The following MGAT4C variants were observed in gnomAD, a reference collection of about 807,000 sequenced individuals.
MGAT4C encodes the protein MGAT4 family member C, also known as alpha-1,3-mannosyl-glycoprotein 4-beta-N-acetylglucosaminyltransferase C.
In MGAT4C, 19 loss-of-function variants were observed where a neutral mutation model predicts 40.1. The observed-to-expected ratio is 0.47, with a 90% CI of 0.33 to 0.70. The LOEUF is 0.70. Ranked by LOEUF, MGAT4C falls within the 30% of genes least tolerant of loss-of-function variation. MGAT4C has a pLI of 0.02. For missense variants in MGAT4C, 491 were observed against 563.2 expected (o/e 0.87, Z 1.30); for synonymous variants, 181 against 187.1 (o/e 0.97, Z 0.27).
intron 3 of MGAT4C, among the ~76,000 whole-genome samples, chr12:86,369,875 T>C (rs955728013): frequency 3.9e-5 from 6 of 152,036 alleles, no homozygotes; most frequent in Non-Finnish European, 7.4e-5. Flanking sequence ...ATTTTGTAAA[T>C]GCAGATTTAG....
intron 3 of MGAT4C, among the ~76,000 whole-genome samples, chr12:86,347,233 T>C (rs755719408): frequency 2.0e-5 from 3 of 152,140 alleles, no homozygotes; most frequent in African/African-American, 4.8e-5. Flanking sequence ...CAAACCTGAC[T>C]ACTACACATG....
In MGAT4C at chr12:86,741,929, ATTG is replaced by A. The variant is rs1196053779; in HGVS notation, c.-261-14691_-261-14689del. Reference sequence around the variant, plus strand: ...GTAAACAAGCAAAACAGTTTACAAAATTGTTTTCTGTATTGTATTTAAACAACA... The same window carrying A: ...GTAAACAAGCAAAACAGTTTACAAAATTTTCTGTATTGTATTTAAACAACA... On this transcript the variant is annotated intron_variant, in intron 1 of 7. Transcript: ENST00000548651. 1.1e-4 allele frequency among the ~76,000 whole-genome samples: 17 copies of A among 151,512 alleles called. No individual in the cohort carries two copies. The South Asian group carries it at 2.9e-3, about 26-fold the overall frequency.
chr12:86,378,964 T>C (rs912956652), intron 3 of MGAT4C, among the ~76,000 whole-genome samples: 5 of 152,094 alleles, frequency 3.3e-5, no homozygotes, highest in African/African-American at 1.2e-4. Flanking sequence ...GCTCTTAGAA[T>C]CAACCTGCTT....
At chr12:86,501,368 G>A (rs1958337591) in intron 2 of MGAT4C, among the ~76,000 whole-genome samples, 1 of 152,010 alleles carries the variant, frequency 6.6e-6, no homozygotes, top group Non-Finnish European at 1.5e-5. Context: ...AAGTGCATGT[G>A]CAAGAAGTGC....
At chr12:86,574,664 T>C (rs767302748) in intron 2 of MGAT4C, among the ~76,000 whole-genome samples, 1 of 151,834 alleles carries the variant, frequency 6.6e-6, no homozygotes, top group Non-Finnish European at 1.5e-5. Flanking sequence ...ATTAGCAATG[T>C]ATGCTGCTTA....
chr12:86,544,561 CATTTT>C (rs1253755262), intron 2 of MGAT4C, among the ~76,000 whole-genome samples: 1 of 152,016 alleles, frequency 6.6e-6, no homozygotes, highest in Non-Finnish European at 1.5e-5. Context: ...TCTATACAAA[CATTTT>C]AGTTACTGAT....
chr12:86,483,354 A>G (rs1464626703), intron 2 of MGAT4C, among the ~76,000 whole-genome samples: 2 of 152,182 alleles, frequency 1.3e-5, no homozygotes, highest in Non-Finnish European at 2.9e-5. Context: ...AACAAGAGAT[A>G]TAATTCCTCT....
chr12:86,657,972 C>A (rs1963891364), intron 2 of MGAT4C, among the ~76,000 whole-genome samples: 1 of 151,944 alleles, frequency 6.6e-6, no homozygotes, highest in Admixed American at 6.6e-5. Context: ...ACATAGCCTA[C>A]TTTAATAATC....
At chr12:86,425,411 C>A (rs986241806) in intron 3 of MGAT4C, among the ~76,000 whole-genome samples, 6 of 152,068 alleles carry the variant, frequency 3.9e-5, no homozygotes, top group African/African-American at 1.4e-4. Flanking sequence ...TGCTCTCTTG[C>A]TCTGTCTCTC....
rs146650424 is a variant in MGAT4C at position 86,763,575 on chromosome 12, C to A, written c.-261-36334G>T. On this transcript the variant is annotated intron_variant, in intron 1 of 7. Coordinates refer to the MGAT4C transcript ENST00000548651. ...CCATATCTATGCTTTGAATACTATA[C>A]AAAAATAATTCATAATGATTCTGTA... Among the ~76,000 whole-genome samples the A allele has an allele frequency of 9.0e-4, 137 of 152,274 alleles. 3 individuals are homozygous for A. The highest frequency in any genetic ancestry group is 1.9e-3 in the African/African-American group (81 of 41,552).
chr12:86,838,387 C>A (rs1953083939), intron 1 of MGAT4C, among the ~76,000 whole-genome samples: 2 of 152,094 alleles, frequency 1.3e-5, no homozygotes, highest in Admixed American at 6.6e-5. Flanking sequence ...GGAAAATCCT[C>A]AAGAGAATTA....
rs373051439 is a variant in MGAT4C at position 86,461,402 on chromosome 12, C to T, written c.-228-26137G>A. 1.3e-4 allele frequency among the ~76,000 whole-genome samples: 19 copies of T among 151,982 alleles called. No individual in the cohort carries two copies. The South Asian group carries it at 2.7e-3, about 22-fold the overall frequency. On this transcript the variant is annotated intron_variant, in intron 2 of 7. Coordinates refer to the MGAT4C transcript ENST00000548651. ...CTGGGACTACAGGCGCCCGCCACCG[C>T]GCCCGGTTAATTTTTTGTATTTTTA...
chr12:86,478,598 T>A (rs1957881510), intron 2 of MGAT4C, among the ~76,000 whole-genome samples: 1 of 152,118 alleles, frequency 6.6e-6, no homozygotes, highest in South Asian at 2.1e-4. Flanking sequence ...GGTTTTTCTG[T>A]TGTTTTCTTT....
At chr12:86,292,978 T>C (rs1240695560) in intron 4 of MGAT4C, among the ~76,000 whole-genome samples, 2 of 151,734 alleles carry the variant, frequency 1.3e-5, no homozygotes, top group Admixed American at 1.3e-4. Flanking sequence ...ATTGAAAAAA[T>C]GAGAAAATTA....
intron 1 of MGAT4C, among the ~76,000 whole-genome samples, chr12:86,818,990 AGTCAGAGATGGGAATATAATCTC>A (rs1423608912): frequency 2.0e-5 from 3 of 151,200 alleles, no homozygotes; most frequent in Admixed American, 6.6e-5. Flanking sequence ...AAAATCTTAA[AGTCAGAGATGGGAATATAATCTC>A]ACACATTCCT....
intron 2 of MGAT4C, among the ~76,000 whole-genome samples, chr12:86,567,632 G>T (rs1185612186): frequency 6.6e-6 from 1 of 152,148 alleles, no homozygotes; most frequent in Non-Finnish European, 1.5e-5. Context: ...GAAATGAAGG[G>T]TTGGGTCACT....
intron 3 of MGAT4C, among the ~76,000 whole-genome samples, chr12:86,357,884 A>G (rs1270819962): frequency 6.6e-6 from 1 of 152,222 alleles, no homozygotes; most frequent in Non-Finnish European, 1.5e-5. Flanking sequence ...GGGAGAATGG[A>G]ACCAAGTTGG....
chr12:86,031,879 G>GTACCTGA (rs1565884868), intron 2 of MGAT4C, among the ~76,000 whole-genome samples: 1 of 151,784 alleles, frequency 6.6e-6, no homozygotes, highest in Non-Finnish European at 1.5e-5. Flanking sequence ...AATACGCATA[G>GTACCTGA]TACCTGATAG....
chr12:86,520,973 C>T (rs371090705), intron 2 of MGAT4C, among the ~76,000 whole-genome samples: 1 of 152,102 alleles, frequency 6.6e-6, no homozygotes, highest in African/African-American at 2.4e-5. Context: ...ATATTAGACA[C>T]TTGCCAGATA....
Sources: gnomAD v4.1 joint callset for allele counts (sites outside exome capture counted in the v4.1 genomes callset) on GRCh38, gnomAD v4.1.1 for gene constraint, MANE v1.5 for transcripts, NCBI Gene and HGNC (gene_info 2026-07-23, HGNC 2026-07-21) for gene names.